MROH9: variants seen among roughly 807,000 people sequenced by gnomAD.
MROH9 encodes the protein maestro heat like repeat family member 9, also known as maestro heat-like repeat-containing protein family member 9.
A neutral mutation model predicts 98.2 loss-of-function variants in MROH9; 92 were observed. That is an observed-to-expected ratio of 0.94 (90% confidence interval 0.79 to 1.11). The LOEUF (loss-of-function observed/expected upper bound fraction) is 1.11. Ranked by LOEUF, MROH9 falls within the 50% of genes most tolerant of loss-of-function variation. The pLI is 0.00. For synonymous variants in MROH9, 397 were observed against 368.9 expected, an observed-to-expected ratio of 1.08 and a Z score of -0.87; for missense variants, 1,057 against 1,014.8, an observed-to-expected ratio of 1.04 and a Z score of -0.57.
chr1:170,964,908 G>C (rs1650171356), intron 6 of MROH9, among the ~76,000 whole-genome samples: 1 of 152,014 alleles, frequency 6.6e-6, no homozygotes, highest in Admixed American at 6.6e-5. Context: ...GACTATTATA[G>C]TGGATATTAG....
At position 171,062,093 on chromosome 1, in the gene MROH9, TG is replaced by T. The variant is rs762286534; in HGVS notation, c.2282-38del. 46 of 1,268,576 alleles carry T rather than the reference TG, an allele frequency of 3.6e-5. 2 individuals are homozygous for T. In the South Asian group the frequency reaches 5.8e-4, roughly 16 times the overall value. The allele number at this position is 1,268,576 out of a possible 1,614,324, so 78.6% of individuals were successfully genotyped here. A position where few individuals can be genotyped will look rare whatever the true frequency, so the allele number is the denominator to read the frequency against. Reference sequence around the variant, plus strand: ...AACATCAGAAAATGTATTTTCATAATGCATGTTGCAGTAACTTTAATTTTTA... The same window carrying T: ...AACATCAGAAAATGTATTTTCATAATCATGTTGCAGTAACTTTAATTTTTA... On this transcript the variant is annotated intron_variant, in intron 20 of 21. Coordinates refer to ENST00000367759, the MANE Select transcript of MROH9 (RefSeq NM_001163629.2).
chr1:170,979,048 C>CAATAAAATG (rs1266906563), intron 8 of MROH9, among the ~76,000 whole-genome samples: 1 of 152,142 alleles, frequency 6.6e-6, no homozygotes, highest in Non-Finnish European at 1.5e-5. Context: ...CATTTTGTAG[C>CAATAAAATG]AATAAAATGT....
chr1:171,059,886 G>A (rs1653961460), intron 20 of MROH9, among the ~76,000 whole-genome samples: 1 of 152,024 alleles, frequency 6.6e-6, no homozygotes. Flanking sequence ...TCTGGGAGTG[G>A]GAGGTGAGGG....
chr1:171,048,446 G>A (rs1653536863), intron 20 of MROH9, among the ~76,000 whole-genome samples: 1 of 152,154 alleles, frequency 6.6e-6, no homozygotes, highest in African/African-American at 2.4e-5. Flanking sequence ...GTCATGAGGA[G>A]TACTGCCAGA....
intron 8 of MROH9, 120 bp downstream of exon 8, chr1:170,972,003 G>A: frequency 9.4e-7 from 1 of 1,059,046 alleles, no homozygotes; most frequent in Non-Finnish European, 1.4e-6. Flanking sequence ...CAAGAGTCAT[G>A]GCTATACTTT....
At position 170,997,199 on chromosome 1, in the gene MROH9, C is replaced by G. The variant is rs115596619; in HGVS notation, c.1475+555C>G. ...CTGTTGACAACATGACAGACTAAGACTACTTCAAGTTGTGACTGATCCAGA... is the reference window on the plus strand; with the variant it reads ...CTGTTGACAACATGACAGACTAAGAGTACTTCAAGTTGTGACTGATCCAGA... On this transcript the variant is annotated intron_variant, in intron 14 of 21. Transcript: ENST00000367759. Among the ~76,000 whole-genome samples the G allele has an allele frequency of 6.6e-3, 1,000 of 152,188 alleles. 10 individuals are homozygous for G. The highest frequency in any genetic ancestry group is 0.023 in the African/African-American group (939 of 41,526).
At chr1:170,986,523 G>C (rs772894648) in intron 9 of MROH9, 38 bp from the exon 10 acceptor site, 2 of 1,592,310 alleles carry the variant, frequency 1.3e-6, no homozygotes, top group African/African-American at 1.3e-5. Context: ...GTTGGTGTGA[G>C]TAAGGCCTGA....
chr1:170,939,650 A>G (rs1002478312), intron 1 of MROH9, among the ~76,000 whole-genome samples: 1 of 152,144 alleles, frequency 6.6e-6, no homozygotes, highest in African/African-American at 2.4e-5. Context: ...CTGATCACAC[A>G]TATATATCAC....
intron 20 of MROH9, among the ~76,000 whole-genome samples, chr1:171,058,737 A>G (rs1433451263): frequency 1.3e-5 from 2 of 152,226 alleles, no homozygotes; most frequent in Non-Finnish European, 2.9e-5. Context: ...GAAAACAAGC[A>G]ATGGGGAAAG....
At chr1:171,032,011 C>A (rs573489848) in intron 20 of MROH9, among the ~76,000 whole-genome samples, 1 of 152,114 alleles carries the variant, frequency 6.6e-6, no homozygotes, top group Non-Finnish European at 1.5e-5. Context: ...TGTCTGCATG[C>A]CTTATTTCAG....
intron 20 of MROH9, among the ~76,000 whole-genome samples, chr1:171,039,532 A>T (rs998530766): frequency 6.6e-6 from 1 of 152,192 alleles, no homozygotes; most frequent in African/African-American, 2.4e-5. Context: ...ACTTCTTTGA[A>T]GAGCAAATAT....
intron 1 of MROH9, among the ~76,000 whole-genome samples, chr1:170,936,756 G>T (rs137985240): frequency 6.6e-6 from 1 of 152,076 alleles, no homozygotes; most frequent in Non-Finnish European, 1.5e-5. Flanking sequence ...CAGAGAGACC[G>T]ATGGGGTTGA....
intron 3 of MROH9, among the ~76,000 whole-genome samples, chr1:170,957,435 G>T (rs1009485971): frequency 1.3e-5 from 2 of 152,046 alleles, no homozygotes; most frequent in African/African-American, 4.8e-5. Context: ...ACTGTCCTTT[G>T]CCCATTGTGA....
intron 20 of MROH9, among the ~76,000 whole-genome samples, chr1:171,029,334 C>T (rs996500544): frequency 2.6e-5 from 4 of 152,048 alleles, no homozygotes; most frequent in Non-Finnish European, 4.4e-5. Flanking sequence ...CCTCAGCCTC[C>T]TGAGTAGCTA....
At chr1:171,011,521 A>G (rs1652155465) in intron 15 of MROH9, among the ~76,000 whole-genome samples, 2 of 152,164 alleles carry the variant, frequency 1.3e-5, no homozygotes, top group Admixed American at 1.3e-4. Flanking sequence ...ATTTTTCCAG[A>G]AAATAATTTA....
rs17346397 is a variant in MROH9 at position 171,024,425 on chromosome 1, C to T, written c.1939C>T (p.Arg647Ter). ...INGGIRSMAI[R>*]HFGQLVRDMR... ...TGGAGGCATTCGAAGTATGGCAATT[C>T]GACACTTTGGTCAATTAGTTAGGGA... The change falls in exon 18 of 22, where the codon CGA becomes TGA. Residue 647 changes from arginine (R) to a stop codon, truncating the protein, a stop_gained. Coordinates refer to ENST00000367759, the MANE Select transcript of MROH9 (RefSeq NM_001163629.2). LOFTEE classifies it high-confidence loss of function. The T allele has an allele frequency of 1.7e-5, 27 of 1,550,650 alleles. No individual in the cohort carries two copies. The highest frequency in any genetic ancestry group is 1.4e-4 in the African/African-American group (10 of 72,802).
Position 170,971,791 on chromosome 1 carries a change from T to G in MROH9, c.524T>G (p.Leu175Arg). ...TGTTTGGGTCTCCTGGCAGCAGAGC[T>G]GTCTCTTTTGTGTTCCCATGAAGAT... Reference protein sequence around the residue: ...APCLGLLAAELSLLCSHEDPS... With the variant: ...APCLGLLAAERSLLCSHEDPS... The change falls in exon 8 of 22, where the codon CTG becomes CGG. Residue 175 changes from leucine (L) to arginine (R), a missense_variant. Transcript: ENST00000367759. 2 of 1,614,120 alleles carry G rather than the reference T, an allele frequency of 1.2e-6. No individual in the cohort carries two copies. Among genetic ancestry groups the G allele is most frequent in the South Asian group, 2.2e-5 (2 of 91,076 alleles).
At chr1:170,983,215 T>C (rs1651000919) in intron 8 of MROH9, among the ~76,000 whole-genome samples, 1 of 152,230 alleles carries the variant, frequency 6.6e-6, no homozygotes, top group African/African-American at 2.4e-5. Flanking sequence ...TGTCCATTCA[T>C]ATGTCACATG....
At chr1:170,992,046 C>G (rs547805102) in intron 11 of MROH9, 118 bp from the exon 12 acceptor site, 121 of 1,003,922 alleles carry the variant, frequency 1.2e-4, no homozygotes, top group African/African-American at 7.0e-4. Flanking sequence ...GACATGTCTG[C>G]AGTGTCTTTG....
Sources: gnomAD v4.1 joint callset for allele counts (sites outside exome capture counted in the v4.1 genomes callset) on GRCh38, gnomAD v4.1.1 for gene constraint, MANE v1.5 for transcripts, NCBI Gene and HGNC (gene_info 2026-07-23, HGNC 2026-07-21) for gene names.